The following ATP13A5 variants were observed in gnomAD, a reference collection of about 807,000 sequenced individuals.
ATP13A5 encodes ATPase 13A5.
Under a neutral mutation model 150.2 loss-of-function variants are expected in ATP13A5, and 149 were observed. The observed-to-expected ratio is 0.99, with a 90% confidence interval of 0.87 to 1.14. The LOEUF is 1.14. ATP13A5 is among the 50% of genes most tolerant of loss of function. The pLI, the probability that ATP13A5 is intolerant of heterozygous loss-of-function variation, is 0.00. For missense variants in ATP13A5, 1,383 were observed against 1,449.3 expected, an observed-to-expected ratio of 0.95 and a Z score of 0.74; for synonymous variants, 497 against 522.2, an observed-to-expected ratio of 0.95 and a Z score of 0.66.
chr3:193,373,049 G>A (rs911979198), intron 1 of ATP13A5, among the ~76,000 whole-genome samples: 1 of 152,088 alleles, frequency 6.6e-6, no homozygotes, highest in African/African-American at 2.4e-5. Context: ...TTTTTGAGGG[G>A]AAGTTCTTTA....
chr3:193,309,560 C>A (rs1718758990), intron 21 of ATP13A5, among the ~76,000 whole-genome samples: 1 of 152,156 alleles, frequency 6.6e-6, no homozygotes, highest in Admixed American at 6.5e-5. Flanking sequence ...GTGGCTTACT[C>A]CTAAGGAAGG....
rs199770138 is a variant in ATP13A5, at chr3:193,310,731, A to G, written c.2446-14T>C. 1.5e-4 allele frequency: 238 copies of G among 1,591,230 alleles called. No homozygotes were observed. The highest frequency in any genetic ancestry group is 2.0e-4 in the Non-Finnish European group (232 of 1,170,632). ...ATTCACCAGAATCTAAAAAGAAAAA[A>G]CAACCATTGCAATATGATTGGGAAG... On this transcript the variant is annotated splice_polypyrimidine_tract_variant and intron_variant, in intron 20 of 29. Coordinates refer to ENST00000342358, the MANE Select transcript of ATP13A5 (RefSeq NM_198505.4).
chr3:193,366,407 G>C (rs1713238498), intron 1 of ATP13A5, among the ~76,000 whole-genome samples: 1 of 152,122 alleles, frequency 6.6e-6, no homozygotes, highest in African/African-American at 2.4e-5. Context: ...GAAGGGGAAA[G>C]TATACTGGGC....
chr3:193,354,374 C>T (rs539695591), intron 5 of ATP13A5, among the ~76,000 whole-genome samples, 178 bp from the exon 6 acceptor site: 1 of 152,170 alleles, frequency 6.6e-6, no homozygotes, highest in African/African-American at 2.4e-5. Context: ...AAATGAAAGT[C>T]AGTGTATGAT....
rs561678683 is a variant in ATP13A5 at position 193,349,340 on chromosome 3, T to C, written c.741+1727A>G. Among the ~76,000 whole-genome samples, 10 of 152,312 alleles carry C rather than the reference T, an allele frequency of 6.6e-5. No homozygotes were observed. The South Asian group carries it at 2.1e-3, about 32-fold the overall frequency. ...TTAGCCACTGTTTTGAACAAAGGAA[T>C]GTAGGGATTCTGTTAAGATATGGAA... is the stretch of plus-strand genomic sequence containing the variant. On this transcript the variant is annotated intron_variant, in intron 7 of 29. Coordinates refer to ENST00000342358, the MANE Select transcript of ATP13A5 (RefSeq NM_198505.4).
chr3:193,346,626 T>C (rs1306757086), intron 7 of ATP13A5, among the ~76,000 whole-genome samples: 2 of 152,212 alleles, frequency 1.3e-5, no homozygotes, highest in Non-Finnish European at 1.5e-5. Flanking sequence ...TGTTTTGATC[T>C]GTTCTGTTGG....
chr3:193,367,590 A>T (rs1406397196), intron 1 of ATP13A5, among the ~76,000 whole-genome samples: 1 of 152,164 alleles, frequency 6.6e-6, no homozygotes, highest in African/African-American at 2.4e-5. Context: ...AAAATAGATT[A>T]TCTAACTAAA....
intron 27 of ATP13A5, among the ~76,000 whole-genome samples, chr3:193,284,007 G>T (rs1717611908): frequency 7.0e-6 from 1 of 141,888 alleles, no homozygotes; most frequent in Non-Finnish European, 1.5e-5. Flanking sequence ...TTGGCCTGCG[G>T]ATTATTATTA....
chr3:193,347,888 A>C (rs1000802917), intron 7 of ATP13A5, among the ~76,000 whole-genome samples: 3 of 152,192 alleles, frequency 2.0e-5, no homozygotes, highest in African/African-American at 4.8e-5. Context: ...TGTACTGATC[A>C]CATTCCATTA....
In ATP13A5 at chr3:193,319,115, G is replaced by C. The variant is rs1388711937; in HGVS notation, c.1916-7C>G. The C allele has an allele frequency of 1.2e-6, 2 of 1,608,594 alleles. No homozygotes were observed. Among genetic ancestry groups the C allele is most frequent in the African/African-American group, 1.3e-5 (1 of 74,800 alleles). The stretch of plus-strand genomic sequence containing the variant: ...TGTGGGAAATTCTTGGGCACTGCCA[G>C]GGTAGAAGAAACAGGTAAGTGTAAG... On this transcript the variant is annotated splice_polypyrimidine_tract_variant and splice_region_variant and intron_variant, in intron 16 of 29. Coordinates refer to ENST00000342358, the MANE Select transcript of ATP13A5 (RefSeq NM_198505.4).
chr3:193,354,985 T>C (rs555894810), intron 5 of ATP13A5, among the ~76,000 whole-genome samples: 1 of 145,974 alleles, frequency 6.9e-6, no homozygotes, highest in South Asian at 2.2e-4. Flanking sequence ...CAGGCTGGAA[T>C]GCAATGGCAC....
chr3:193,361,578 A>G (rs1385899297), intron 5 of ATP13A5, among the ~76,000 whole-genome samples: 2 of 152,230 alleles, frequency 1.3e-5, no homozygotes, highest in Non-Finnish European at 2.9e-5. Flanking sequence ...TGAGAAATAA[A>G]GGTGATTATA....
chr3:193,323,740 T>G (rs937806337), intron 14 of ATP13A5: 1 of 152,260 alleles, frequency 6.6e-6, no homozygotes, highest in Admixed American at 6.5e-5. Context: ...AACTTGCTGG[T>G]ATCAGAAGTT....
chr3:193,326,407 C>T (rs182698554), intron 13 of ATP13A5, among the ~76,000 whole-genome samples: 11 of 152,268 alleles, frequency 7.2e-5, no homozygotes, highest in Middle Eastern at 3.4e-3. Context: ...AAATTCTAGC[C>T]GCACGTCCCT....
intron 7 of ATP13A5, 99 bp downstream of exon 7, chr3:193,350,968 T>G: frequency 7.2e-7 from 1 of 1,396,416 alleles, no homozygotes; most frequent in Non-Finnish European, 9.8e-7. Context: ...TTATGACTTA[T>G]GGTTGACAAA....
At chr3:193,368,408 G>GTGTGTGTGTGTGTA (rs1273398846) in intron 1 of ATP13A5, among the ~76,000 whole-genome samples, 23 of 151,792 alleles carry the variant, frequency 1.5e-4, no homozygotes. Flanking sequence ...GTGTGTGTGT[G>GTGTGTGTGTGTGTA]TGTGTGTGTG....
intron 1 of ATP13A5, among the ~76,000 whole-genome samples, chr3:193,376,742 G>C (rs1401325133): frequency 6.6e-6 from 1 of 152,008 alleles, no homozygotes; most frequent in Non-Finnish European, 1.5e-5. Flanking sequence ...TTCCCCATCC[G>C]GCTTCCTTCT....
At chr3:193,278,308 C>CT (rs1201109256) in intron 28 of ATP13A5, among the ~76,000 whole-genome samples, 4 of 152,188 alleles carry the variant, frequency 2.6e-5, no homozygotes, top group African/African-American at 9.7e-5. Flanking sequence ...TCTAATTAGT[C>CT]TGTCTTCAGA....
intron 15 of ATP13A5, 118 bp downstream of exon 15, chr3:193,322,373 A>C (rs1257484973): frequency 1.3e-6 from 1 of 789,304 alleles, no homozygotes; most frequent in East Asian, 2.5e-5. Flanking sequence ...CAGCAAACCA[A>C]CCGTGGAAAC....
Sources: gnomAD v4.1 joint callset for allele counts (sites outside exome capture counted in the v4.1 genomes callset) on GRCh38, gnomAD v4.1.1 for gene constraint, MANE v1.5 for transcripts, NCBI Gene and HGNC (gene_info 2026-07-23, HGNC 2026-07-21) for gene names.